CXADR: variants seen among roughly 807,000 people sequenced by gnomAD.
The protein encoded by CXADR is coxsackievirus and adenovirus receptor.
A neutral mutation model predicts 40.3 loss-of-function variants in CXADR; 20 were observed. That is an observed-to-expected ratio of 0.50 (90% CI 0.35 to 0.72). The LOEUF is 0.72. CXADR is among the 30% of genes least tolerant of loss of function. The pLI is 0.01. For synonymous variants in CXADR, 150 were observed against 161.3 expected (o/e 0.93, Z 0.53); for missense variants, 332 against 449.1 (o/e 0.74, Z 2.36).
chr21:17,532,379 C>A (rs557687589), intron 1 of CXADR, among the ~76,000 whole-genome samples: 1 of 152,146 alleles, frequency 6.6e-6, no homozygotes, highest in East Asian at 1.9e-4. Flanking sequence ...CAAAAAGAAC[C>A]TTTCCTTGAC....
chr21:17,516,815 AGT>A (rs35321890), intron 1 of CXADR, among the ~76,000 whole-genome samples: 70,802 of 151,996 alleles, frequency 0.47, 17,467 homozygotes, highest in Admixed American at 0.58. Context: ...GTGGATTTTA[AGT>A]GTTCTCACCA....
chr21:17,561,616 G>C (rs572463186), intron 6 of CXADR, 140 bp downstream of exon 6: 1 of 663,734 alleles, frequency 1.5e-6, no homozygotes, highest in Admixed American at 3.7e-5. Context: ...CAATACATTT[G>C]AAAGCATTTA....
At chr21:17,582,741 A>G (rs1368622569) in intron 7 of CXADR, among the ~76,000 whole-genome samples, 1 of 152,198 alleles carries the variant, frequency 6.6e-6, no homozygotes, top group Admixed American at 6.5e-5. Flanking sequence ...GGTTTCTTCA[A>G]GTTGTCGGAA....
chr21:17,606,933 T>C, the CXADR span, among the ~76,000 whole-genome samples: 15 of 152,306 alleles, frequency 9.8e-5, no homozygotes, highest in South Asian at 1.9e-3. Context: ...CTTGATAATA[T>C]TGCCAAATTG....
intron 2 of CXADR, 53 bp from the exon 3 acceptor site, chr21:17,551,696 T>G: frequency 1.3e-6 from 2 of 1,502,692 alleles, no homozygotes; most frequent in African/African-American, 2.8e-5. Flanking sequence ...TAAGAGACAG[T>G]TTTTTTTGTG....
chr21:17,590,301 C>T (rs111339492), intron 7 of CXADR, among the ~76,000 whole-genome samples: 275 of 150,854 alleles, frequency 1.8e-3, no homozygotes, highest in African/African-American at 6.1e-3. Flanking sequence ...ACAGAATAAA[C>T]ATCAAACTAC....
At chr21:17,546,322 T>A (rs182633813) in intron 1 of CXADR, among the ~76,000 whole-genome samples, 1 of 152,328 alleles carries the variant, frequency 6.6e-6, no homozygotes, top group East Asian at 1.9e-4. Flanking sequence ...CTTGAATTTG[T>A]ATGACATGAC....
intron 1 of CXADR, among the ~76,000 whole-genome samples, chr21:17,541,734 T>C (rs1248511568): frequency 6.6e-6 from 1 of 151,988 alleles, no homozygotes; most frequent in African/African-American, 2.4e-5. Context: ...GTTTACTCCA[T>C]GTCTTTTCAT....
the CXADR span, among the ~76,000 whole-genome samples, chr21:17,629,387 C>CAAA: frequency 3.0e-4 from 24 of 80,556 alleles, no homozygotes; most frequent in South Asian, 1.4e-3. Context: ...GACTGTGTCT[C>CAAA]AAAAAAAAAA....
At chr21:17,584,823 C>CA (rs1017344829) in intron 7 of CXADR, among the ~76,000 whole-genome samples, 1 of 152,090 alleles carries the variant, frequency 6.6e-6, no homozygotes, top group African/African-American at 2.4e-5. Flanking sequence ...GACTCCGTCT[C>CA]AAAAAACAAA....
At chr21:17,576,100 A>AG (rs2123366622) in intron 7 of CXADR, among the ~76,000 whole-genome samples, 1 of 151,696 alleles carries the variant, frequency 6.6e-6, no homozygotes, top group South Asian at 2.1e-4. Flanking sequence ...AAAAAAAAAA[A>AG]AAAAGTTTTT....
At chr21:17,634,055 T>C in the CXADR span, among the ~76,000 whole-genome samples, 1 of 152,218 alleles carries the variant, frequency 6.6e-6, no homozygotes, top group Non-Finnish European at 1.5e-5. Flanking sequence ...AAGTTTTCAT[T>C]AGCTATGTGA....
chr21:17,532,071 C>T (rs1471798365), intron 1 of CXADR, among the ~76,000 whole-genome samples: 1 of 151,942 alleles, frequency 6.6e-6, no homozygotes, highest in Non-Finnish European at 1.5e-5. Context: ...GCTGGGACTG[C>T]AGGCATGCAC....
In CXADR at chr21:17,569,583, A is replaced by G. The variant is rs1167787878; in HGVS notation, c.*3891A>G. 1 of 985,210 alleles carries G rather than the reference A, an allele frequency of 1.0e-6. No homozygotes were observed. 61.0% of individuals were successfully genotyped at this position (985,210 alleles called of 1,614,324 possible). On this transcript the variant is annotated 3_prime_UTR_variant, in exon 7 of 7. Transcript: ENST00000284878. ...TATAAATGTTATAGAAGCAGGGAAG[A>G]ATAATAAACACATTTGTGAATTGTG... is the stretch of plus-strand genomic sequence containing the variant.
chr21:17,615,714 G>T, the CXADR span, among the ~76,000 whole-genome samples: 8 of 152,180 alleles, frequency 5.3e-5, no homozygotes, highest in Admixed American at 1.3e-4. Flanking sequence ...CACTTCTATT[G>T]TGTGTTAATG....
At chr21:17,583,901 C>T (rs1192918215) in intron 7 of CXADR, among the ~76,000 whole-genome samples, 3 of 152,154 alleles carry the variant, frequency 2.0e-5, no homozygotes, top group Non-Finnish European at 4.4e-5. Context: ...AGGCTGCCTA[C>T]GGGTGTAGTA....
intron 1 of CXADR, among the ~76,000 whole-genome samples, chr21:17,532,397 C>A (rs2060689777): frequency 6.6e-6 from 1 of 151,726 alleles, no homozygotes; most frequent in Admixed American, 6.6e-5. Flanking sequence ...GACCACATAT[C>A]ATACACTGTC....
the CXADR span, among the ~76,000 whole-genome samples, chr21:17,608,568 T>C: frequency 5.1e-3 from 779 of 152,194 alleles, 7 homozygotes; most frequent in African/African-American, 0.018. Context: ...TTTTTTTTTT[T>C]CAAAGAACAT....
Position 17,565,866 on chromosome 21 carries a change from TAC to T in CXADR, c.*176_*177del, listed in dbSNP as rs2061202010. On this transcript the variant is annotated 3_prime_UTR_variant, in exon 7 of 7. Coordinates refer to ENST00000284878, the MANE Select transcript of CXADR (RefSeq NM_001338.5). ...TTTTGTTTGGTTATATCGAAATAGTTACAGGCACTAAAGTTAGTAAAGAAAAG... is the reference window on the plus strand; with the variant it reads ...TTTTGTTTGGTTATATCGAAATAGTTAGGCACTAAAGTTAGTAAAGAAAAG... 1 of 1,288,902 alleles carries T rather than the reference TAC, an allele frequency of 7.8e-7. No homozygotes were observed. The highest frequency in any genetic ancestry group is 9.8e-7 in the Non-Finnish European group (1 of 1,015,718). 79.8% of individuals were successfully genotyped at this position (1,288,902 alleles called of 1,614,324 possible). A position where few individuals can be genotyped will look rare whatever the true frequency, so the allele number is the denominator to read the frequency against.
Sources: allele counts gnomAD v4.1 joint callset (sites outside exome capture counted in the v4.1 genomes callset), GRCh38; gene constraint gnomAD v4.1.1; transcripts MANE v1.5; gene names NCBI Gene and HGNC (gene_info 2026-07-23, HGNC 2026-07-21).